The following PDGFC variants were observed in gnomAD, a reference collection of about 807,000 sequenced individuals.
The protein encoded by PDGFC is platelet derived growth factor C.
A neutral mutation model predicts 35.5 loss-of-function variants in PDGFC; 12 were observed. The ratio of observed to expected loss-of-function variants is 0.34; its 90% CI spans 0.22 to 0.55. The LOEUF is 0.55. PDGFC is among the 20% of genes least tolerant of loss of function. The pLI is 0.91. For missense variants in PDGFC, 322 were observed against 412.4 expected (o/e 0.78, Z 1.90); for synonymous variants, 159 against 148.8 (o/e 1.07, Z -0.50).
chr4:156,816,888 A>T (rs1732101914), intron 2 of PDGFC, among the ~76,000 whole-genome samples: 1 of 152,244 alleles, frequency 6.6e-6, no homozygotes, highest in African/African-American at 2.4e-5. Context: ...AAAACTGAAT[A>T]GTCAATGTGG....
intron 3 of PDGFC, among the ~76,000 whole-genome samples, chr4:156,781,142 A>G (rs80270958): frequency 0.016 from 2,505 of 152,298 alleles, 71 homozygotes; most frequent in African/African-American, 0.056. Flanking sequence ...CCATTTCAGT[A>G]AATGCCAATT....
At chr4:156,945,137 CT>C (rs1731907556) in intron 1 of PDGFC, among the ~76,000 whole-genome samples, 6 of 151,566 alleles carry the variant, frequency 4.0e-5, no homozygotes, top group African/African-American at 1.5e-4. Flanking sequence ...GTTATTTGTC[CT>C]TTTTTCTCCC....
chr4:156,860,964 A>G (rs1418878148), intron 1 of PDGFC, among the ~76,000 whole-genome samples: 1 of 152,164 alleles, frequency 6.6e-6, no homozygotes, highest in African/African-American at 2.4e-5. Flanking sequence ...TTTCTGCCCA[A>G]TTAAAATAAT....
chr4:156,889,051 C>T (rs939578406), intron 1 of PDGFC, among the ~76,000 whole-genome samples: 7 of 152,168 alleles, frequency 4.6e-5, no homozygotes, highest in Non-Finnish European at 8.8e-5. Context: ...TCTACTACCA[C>T]GTGCTGAAGA....
intron 1 of PDGFC, among the ~76,000 whole-genome samples, chr4:156,858,047 T>A (rs1729624529): frequency 6.6e-6 from 1 of 152,254 alleles, no homozygotes; most frequent in Non-Finnish European, 1.5e-5. Context: ...AAAATAATTA[T>A]ACAGTGAATA....
At chr4:156,782,157 G>A (rs993384209) in intron 3 of PDGFC, among the ~76,000 whole-genome samples, 2 of 152,082 alleles carry the variant, frequency 1.3e-5, no homozygotes, top group African/African-American at 4.8e-5. Flanking sequence ...TTGTTCTGGA[G>A]GGAGAAATGG....
At chr4:156,816,541 CT>C (rs1215618881) in intron 2 of PDGFC, among the ~76,000 whole-genome samples, 1 of 152,058 alleles carries the variant, frequency 6.6e-6, no homozygotes, top group Admixed American at 6.6e-5. Context: ...TTCTTAGGTA[CT>C]TTTTATATAG....
chr4:156,763,930 T>C (rs1730451040), intron 5 of PDGFC, among the ~76,000 whole-genome samples: 1 of 152,236 alleles, frequency 6.6e-6, no homozygotes, highest in South Asian at 2.1e-4. Context: ...ACACTTATGC[T>C]ACACATATTT....
At chr4:156,965,255 A>T (rs1399230114) in intron 1 of PDGFC, among the ~76,000 whole-genome samples, 1 of 152,116 alleles carries the variant, frequency 6.6e-6, no homozygotes, top group Non-Finnish European at 1.5e-5. Flanking sequence ...TTCTTTAATA[A>T]GATACTAACT....
At chr4:156,969,315 C>T (rs530484292) in intron 1 of PDGFC, among the ~76,000 whole-genome samples, 2 of 152,200 alleles carry the variant, frequency 1.3e-5, no homozygotes, top group South Asian at 4.1e-4. Flanking sequence ...CACTTTCCCC[C>T]AGACCTCTGC....
chr4:156,866,385 T>C (rs1351340781), intron 1 of PDGFC, among the ~76,000 whole-genome samples: 1 of 152,148 alleles, frequency 6.6e-6, no homozygotes, highest in Non-Finnish European at 1.5e-5. Context: ...GACTGAAAAG[T>C]AGTAACAAAC....
At chr4:156,922,155 AGTGTGT>A (rs3070262) in intron 1 of PDGFC, among the ~76,000 whole-genome samples, 8,479 of 145,326 alleles carry the variant, frequency 0.058, 231 homozygotes, top group East Asian at 0.096. Flanking sequence ...AAGGATTCAT[AGTGTGT>A]GTGTGTGTGT....
At chr4:156,927,207 C>T (rs964446132) in intron 1 of PDGFC, among the ~76,000 whole-genome samples, 1 of 152,038 alleles carries the variant, frequency 6.6e-6, no homozygotes, top group African/African-American at 2.4e-5. Context: ...TGGGCCTGGC[C>T]CAGGAAACCA....
intron 1 of PDGFC, among the ~76,000 whole-genome samples, chr4:156,892,050 G>C (rs1730525634): frequency 6.6e-6 from 1 of 152,182 alleles, no homozygotes; most frequent in African/African-American, 2.4e-5. Context: ...TCAGGTCAAG[G>C]AGAAGCCTTG....
At chr4:156,858,957 T>A (rs1288455733) in intron 1 of PDGFC, among the ~76,000 whole-genome samples, 2 of 152,082 alleles carry the variant, frequency 1.3e-5, no homozygotes, top group Non-Finnish European at 2.9e-5. Flanking sequence ...CCTATTACTT[T>A]GTGAGCATAC....
chr4:156,899,763 T>C lies in PDGFC; in HGVS notation c.119-49347A>G, dbSNP rs185322848. Among the ~76,000 whole-genome samples, 529 of 152,298 alleles carry C rather than the reference T, an allele frequency of 3.5e-3. 3 individuals are homozygous for C. The highest frequency in any genetic ancestry group is 0.012 in the African/African-American group (499 of 41,562). On this transcript the variant is annotated intron_variant, in intron 1 of 5. Transcript: ENST00000502773. ...CCAGCAGGTGGAGGTTACAGTGAGC[T>C]GAGATTGTGCCATTGCACTCCAGCC...
chr4:156,878,361 A>G (rs922351266), intron 1 of PDGFC, among the ~76,000 whole-genome samples: 3 of 152,204 alleles, frequency 2.0e-5, no homozygotes, highest in African/African-American at 7.2e-5. Flanking sequence ...AGTAGAATGT[A>G]AGCAAAATAT....
rs12643120 is a variant in PDGFC, at chr4:156,809,213, A to G, written c.495+1624T>C. Among the ~76,000 whole-genome samples the G allele has an allele frequency of 0.017, 2,571 of 152,100 alleles. 126 individuals are homozygous for G. In the South Asian group the frequency reaches 0.17, roughly 10 times the overall value. On this transcript the variant is annotated intron_variant, in intron 3 of 5. Coordinates refer to ENST00000502773, the MANE Select transcript of PDGFC (RefSeq NM_016205.3). ...TGAAGTCCATATTGACAATTTACCAATCATTGTTAAATGATTAAACAATCA... is the reference window on the plus strand; with the variant it reads ...TGAAGTCCATATTGACAATTTACCAGTCATTGTTAAATGATTAAACAATCA...
intron 1 of PDGFC, among the ~76,000 whole-genome samples, chr4:156,924,994 G>A (rs561916501): frequency 7.2e-4 from 93 of 128,334 alleles, no homozygotes; most frequent in Non-Finnish European, 1.2e-3. Flanking sequence ...ATAGGGCTGG[G>A]CCTTGCAGGA....
Sources: allele counts gnomAD v4.1 joint callset (sites outside exome capture counted in the v4.1 genomes callset), GRCh38; gene constraint gnomAD v4.1.1; transcripts MANE v1.5; gene names NCBI Gene and HGNC (gene_info 2026-07-23, HGNC 2026-07-21).